CDH5: variants seen among roughly 807,000 people sequenced by gnomAD.
CDH5 encodes cadherin 5.
CDH5 carries 28 observed loss-of-function variants against 62.0 expected under a neutral mutation model. That is an observed-to-expected ratio of 0.45 (90% CI 0.33 to 0.62). CDH5 has a LOEUF of 0.62. Ranked by LOEUF, CDH5 falls within the 20% of genes least tolerant of loss-of-function variation. The probability of loss-of-function intolerance (pLI) is 0.02; values close to 1 mark genes in which losing one functional copy is unlikely to be tolerated. For synonymous variants in CDH5, 464 were observed against 445.8 expected, an observed-to-expected ratio of 1.04 and a Z score of -0.52; for missense variants, 940 against 1,065.1, an observed-to-expected ratio of 0.88 and a Z score of 1.63.
In CDH5 at chr16:66,388,339, C is replaced by G; in HGVS notation, c.515C>G (p.Ser172Cys). ...CTCTCTGCAGGGACCTCAGTCATCT[C>G]TGTGACAGCAGTGGATGCAGACGAC... ...ESSAVGTSVI[S>C]VTAVDADDPT... is the part of the protein sequence containing the mutation. Residue 172 changes from serine (S) to cysteine (C), a missense_variant, in exon 4 of 12, where the codon TCT becomes TGT. Physicochemically the swap from Ser to Cys is moderately radical, Grantham distance 112 (BLOSUM62 -1). Coordinates refer to ENST00000341529, the MANE Select transcript of CDH5 (RefSeq NM_001795.5). 6.2e-7 allele frequency: 1 copy of G among 1,612,830 alleles called. No individual in the cohort carries two copies. The highest frequency in any genetic ancestry group is 1.3e-5 in the African/African-American group (1 of 75,034).
At chr16:66,379,685 G>T in intron 2 of CDH5, 138 bp downstream of exon 2, 1 of 726,234 alleles carries the variant, frequency 1.4e-6, no homozygotes, top group Non-Finnish European at 2.3e-6. Flanking sequence ...AAGGGTGAAG[G>T]TGGTAGCAAT....
In CDH5 at chr16:66,390,583, C is replaced by T. The variant is rs1360832081; in HGVS notation, c.962C>T (p.Pro321Leu). The part of the protein sequence containing the change: ...NPAHNEGIIK[P>L]MKPLDYEYIQ... The stretch of plus-strand genomic sequence containing the variant: ...GCCCACAACGAGGGCATCATCAAGC[C>T]CATGAAGGTTTGTAGGCCAATGGCA... Residue 321 changes from proline (P) to leucine (L), a missense_variant, in exon 6 of 12, where the codon CCC becomes CTC. By Grantham distance (98) the Pro-to-Leu change is moderately conservative. Transcript: ENST00000341529. The T allele has an allele frequency of 6.2e-7, 1 of 1,613,914 alleles. No individual in the cohort carries two copies. The highest frequency in any genetic ancestry group is 1.3e-5 in the African/African-American group (1 of 74,916).
At chr16:66,382,451 AT>A (rs1960913925) in intron 2 of CDH5, among the ~76,000 whole-genome samples, 1 of 152,074 alleles carries the variant, frequency 6.6e-6, no homozygotes, top group Admixed American at 6.5e-5. Flanking sequence ...CTCAACACAA[AT>A]GCGAGCTCTG....
intron 2 of CDH5, among the ~76,000 whole-genome samples, chr16:66,382,107 C>T (rs536810592): frequency 6.6e-6 from 1 of 152,210 alleles, no homozygotes; most frequent in Non-Finnish European, 1.5e-5. Flanking sequence ...TAGGGCCATC[C>T]CATGCTCAGA....
intron 2 of CDH5, among the ~76,000 whole-genome samples, chr16:66,380,243 G>T (rs369377359): frequency 3.2e-4 from 43 of 136,328 alleles, no homozygotes; most frequent in South Asian, 7.8e-4. Context: ...GGGGTAGGTG[G>T]TGGTGGTGAT....
chr16:66,379,704 A>AT, intron 2 of CDH5, 157 bp downstream of exon 2: 1 of 663,478 alleles, frequency 1.5e-6, no homozygotes, highest in Non-Finnish European at 2.6e-6. Flanking sequence ...ATAGTGGTAG[A>AT]GGTCGTGGTG....
chr16:66,395,018 CTT>C (rs1174519256), intron 7 of CDH5, among the ~76,000 whole-genome samples: 3 of 13,804 alleles, frequency 2.2e-4, no homozygotes, highest in African/African-American at 4.4e-4. Context: ...CCAGGCTAAT[CTT>C]TTTTTTTTTT....
intron 3 of CDH5, among the ~76,000 whole-genome samples, chr16:66,387,546 C>CA (rs1167669807): frequency 6.6e-6 from 1 of 152,254 alleles, no homozygotes; most frequent in Non-Finnish European, 1.5e-5. Context: ...TGATTCTGAT[C>CA]ATGGACTGAG....
intron 11 of CDH5, among the ~76,000 whole-genome samples, chr16:66,401,473 T>C (rs919647320): frequency 1.3e-5 from 2 of 152,374 alleles, no homozygotes; most frequent in African/African-American, 2.4e-5. Flanking sequence ...TCTTTCTTTT[T>C]ATAGAATTCC....
At chr16:66,381,005 C>A (rs1008209607) in intron 2 of CDH5, among the ~76,000 whole-genome samples, 1 of 152,096 alleles carries the variant, frequency 6.6e-6, no homozygotes, top group East Asian at 1.9e-4. Flanking sequence ...TGATGAGGCT[C>A]ACCTGGCCTG....
rs1961269814 is a variant in CDH5 at position 66,400,897 on chromosome 16, T to C, written c.1718T>C (p.Val573Ala). ...PSRTGTSTLT[V>A]AVCKCNEQGE... ...CGCACGGGCACCAGCACGCTGACCG[T>C]GGCCGTGTGCAAGTGCAACGAGCAG... The change falls in exon 11 of 12, where the codon GTG becomes GCG. Residue 573 changes from valine (V) to alanine (A), a missense_variant. Coordinates refer to ENST00000341529, the MANE Select transcript of CDH5 (RefSeq NM_001795.5). 5 of 1,614,056 alleles carry C rather than the reference T, an allele frequency of 3.1e-6. No individual in the cohort carries two copies.
At chr16:66,387,533 C>T (rs2142326872) in intron 3 of CDH5, among the ~76,000 whole-genome samples, 1 of 152,294 alleles carries the variant, frequency 6.6e-6, no homozygotes, top group African/African-American at 2.4e-5. Flanking sequence ...ATAGACTGAG[C>T]CCTGATTCTG....
In CDH5 at chr16:66,379,430, C is replaced by G. The variant is rs770510065; in HGVS notation, c.93C>G (p.Ala31=). The change falls in exon 2 of 12, where the codon GCC becomes GCG. Residue 31 remains alanine, a synonymous_variant. Coordinates refer to ENST00000341529, the MANE Select transcript of CDH5 (RefSeq NM_001795.5). ...TGGCAGCAGCAGGTGCTAACCCTGC[C>G]CAACGGGACACCCACAGCCTGCTGC... The part of the protein sequence containing the change: ...AAVAAAGANP[A]QRDTHSLLPT... 1.7e-5 allele frequency: 27 copies of G among 1,614,088 alleles called. No individual in the cohort carries two copies. Among genetic ancestry groups the G allele is most frequent in the Non-Finnish European group, 2.1e-5 (25 of 1,180,048 alleles).
chr16:66,399,943 A>G (rs1418369693), intron 10 of CDH5, among the ~76,000 whole-genome samples: 2 of 152,250 alleles, frequency 1.3e-5, no homozygotes, highest in Non-Finnish European at 2.9e-5. Flanking sequence ...GGGTTTTTCA[A>G]TCCAGTGTGT....
chr16:66,394,741 T>A (rs1198539676), intron 7 of CDH5, among the ~76,000 whole-genome samples: 1 of 152,062 alleles, frequency 6.6e-6, no homozygotes, highest in Non-Finnish European at 1.5e-5. Flanking sequence ...AAATCAATAG[T>A]TTTGTTTTAA....
intron 6 of CDH5, 66 bp downstream of exon 6, chr16:66,390,656 C>T (rs1344628933): frequency 1.4e-6 from 2 of 1,469,390 alleles, no homozygotes; most frequent in African/African-American, 1.4e-5. Flanking sequence ...ACAGGTCCTG[C>T]TTGGGGATTG....
intron 10 of CDH5, among the ~76,000 whole-genome samples, chr16:66,399,311 G>A (rs1961241896): frequency 6.6e-6 from 1 of 152,168 alleles, no homozygotes; most frequent in African/African-American, 2.4e-5. Context: ...AAGCTTCCAT[G>A]GCCTCTGAAA....
At chr16:66,383,927 T>C (rs2142321899) in intron 2 of CDH5, among the ~76,000 whole-genome samples, 1 of 152,150 alleles carries the variant, frequency 6.6e-6, no homozygotes, top group Non-Finnish European at 1.5e-5. Flanking sequence ...TCAACCCCTG[T>C]CAGTGCCCTC....
At chr16:66,388,497 G>A in intron 4 of CDH5, 57 bp downstream of exon 4, 1 of 1,137,782 alleles carries the variant, frequency 8.8e-7, no homozygotes, top group Non-Finnish European at 1.3e-6. Flanking sequence ...AGGGGAGGTG[G>A]ATACTCCAGG....
Sources: gnomAD v4.1 joint callset for allele counts (sites outside exome capture counted in the v4.1 genomes callset) on GRCh38, gnomAD v4.1.1 for gene constraint, MANE v1.5 for transcripts, NCBI Gene and HGNC (gene_info 2026-07-23, HGNC 2026-07-21) for gene names.